PTGER4: variants seen among roughly 807,000 people sequenced by gnomAD.
PTGER4 encodes the protein prostaglandin E2 receptor EP4 subtype.
PTGER4 carries 11 observed loss-of-function variants against 33.2 expected under a neutral mutation model. That is an observed-to-expected ratio of 0.33 (90% CI 0.21 to 0.55). The LOEUF (loss-of-function observed/expected upper bound fraction) is 0.55, where lower values mean the gene tolerates loss of function less well. Among genes scored for constraint, PTGER4 ranks in the 20% least tolerant of loss-of-function variants. PTGER4 has a pLI of 0.92. For missense variants in PTGER4, 481 were observed against 650.2 expected, an observed-to-expected ratio of 0.74 and a Z score of 2.83; for synonymous variants, 275 against 281.5, an observed-to-expected ratio of 0.98 and a Z score of 0.23.
At chr5:40,733,265 G>A in the PTGER4 span, among the ~76,000 whole-genome samples, 1 of 152,136 alleles carries the variant, frequency 6.6e-6, no homozygotes, top group Non-Finnish European at 1.5e-5. Flanking sequence ...TGAGGAAGGG[G>A]CTGAAGGTCT....
the PTGER4 span, among the ~76,000 whole-genome samples, chr5:40,740,903 G>T: frequency 6.6e-6 from 1 of 152,106 alleles, no homozygotes; most frequent in African/African-American, 2.4e-5. Context: ...TTTTATTTCA[G>T]ATATCGTATT....
chr5:40,735,550 G>A, the PTGER4 span, among the ~76,000 whole-genome samples: 14 of 152,256 alleles, frequency 9.2e-5, no homozygotes, highest in African/African-American at 2.9e-4. Context: ...AGGATCCCAC[G>A]CAATCAAGAG....
At chr5:40,682,155 T>A (rs1435411015) in intron 2 of PTGER4, among the ~76,000 whole-genome samples, 1 of 149,074 alleles carries the variant, frequency 6.7e-6, no homozygotes, top group Non-Finnish European at 1.5e-5. Flanking sequence ...ACTGGCCGAG[T>A]CTTCCAAGAA....
the PTGER4 span, among the ~76,000 whole-genome samples, chr5:40,722,330 C>G: frequency 6.6e-6 from 1 of 152,168 alleles, no homozygotes; most frequent in African/African-American, 2.4e-5. Flanking sequence ...GCCGCCACCC[C>G]GTCTAGGAAG....
the PTGER4 span, among the ~76,000 whole-genome samples, chr5:40,722,813 G>A: frequency 2.6e-5 from 4 of 151,260 alleles, no homozygotes; most frequent in Non-Finnish European, 4.4e-5. Flanking sequence ...CCATCCGGGA[G>A]GTGGGGGGCG....
chr5:40,692,379 T>C lies in PTGER4; in HGVS notation c.*1T>C, dbSNP rs757836522. On this transcript the variant is annotated 3_prime_UTR_variant, in exon 3 of 3. Transcript: ENST00000302472. ...GAACTTATCAGAAAAATGTATATAA[T>C]AGGCAAGGAAAGAAATACAGTACTG... is the stretch of plus-strand genomic sequence containing the variant. The C allele has an allele frequency of 1.3e-6, 2 of 1,578,058 alleles. No individual in the cohort carries two copies. Among genetic ancestry groups the C allele is most frequent in the South Asian group, 2.3e-5 (2 of 86,598 alleles).
At position 40,691,795 on chromosome 5, in the gene PTGER4, A is replaced by T; in HGVS notation, c.884A>T (p.Asn295Ile). The change falls in exon 3 of 3, where the codon AAC (asparagine) becomes ATC (isoleucine). Residue 295 changes from asparagine to isoleucine, a missense_variant. Asn to Ile is a moderately radical substitution (Grantham distance 149). This residue lies in a region of PTGER4 where 174 missense variants were observed against 210.5 expected (regional missense o/e 0.83). Transcript: ENST00000302472. This position sits in a 1 kb window ranked among gnomAD's most constrained non-coding sequence, Gnocchi z 4.2. ...SIPLVVRVFVNQLYQPSLERE... is the reference protein window; with the variant it reads ...SIPLVVRVFVIQLYQPSLERE... ...CTTATGCAGGTGCGAGTATTCGTCA[A>T]CCAGTTATATCAGCCAAGTTTGGAG... The T allele has an allele frequency of 6.2e-7, 1 of 1,613,452 alleles. No homozygotes were observed. Among genetic ancestry groups the T allele is most frequent in the Non-Finnish European group, 8.5e-7 (1 of 1,179,728 alleles).
At chr5:40,697,269 A>G (rs540322070), downstream of PTGER4, among the ~76,000 whole-genome samples, 1 of 128,460 alleles carries the variant, frequency 7.8e-6, no homozygotes, top group African/African-American at 2.6e-5. Context: ...AAAGAAAGAA[A>G]GAAAGAAAGA....
In PTGER4 at chr5:40,681,868, A is replaced by G; in HGVS notation, c.867+8A>G. ...TGCTCCATCCCGCTCGTGGTGAGTGACCGGGGCTGGGGCCCTACTCGGCCT... is the reference window on the plus strand; with the variant it reads ...TGCTCCATCCCGCTCGTGGTGAGTGGCCGGGGCTGGGGCCCTACTCGGCCT... On this transcript the variant is annotated splice_region_variant and intron_variant, in intron 2 of 2. Coordinates refer to ENST00000302472, the MANE Select transcript of PTGER4 (RefSeq NM_000958.3). The surrounding 1 kb of genome is among the most constrained non-coding windows in gnomAD (Gnocchi z 9.8). 1.3e-6 allele frequency: 2 copies of G among 1,500,888 alleles called. No individual in the cohort carries two copies. The highest frequency in any genetic ancestry group is 1.8e-6 in the Non-Finnish European group (2 of 1,129,764). 93.0% of individuals were successfully genotyped at this position (1,500,888 alleles called of 1,614,324 possible).
the PTGER4 span, among the ~76,000 whole-genome samples, chr5:40,742,110 T>A: frequency 9.9e-5 from 15 of 152,142 alleles, no homozygotes; most frequent in Admixed American, 1.3e-4. Context: ...GTTTTTTTTT[T>A]ATATCTTTTG....
At chr5:40,746,562 G>C in the PTGER4 span, among the ~76,000 whole-genome samples, 1 of 152,086 alleles carries the variant, frequency 6.6e-6, no homozygotes, top group South Asian at 2.1e-4. Context: ...GGCAAAGCAG[G>C]GACATAATTA....
chr5:40,718,914 ATAAAAAT>A, the PTGER4 span, among the ~76,000 whole-genome samples: 1 of 152,122 alleles, frequency 6.6e-6, no homozygotes, highest in South Asian at 2.1e-4. Context: ...AAATAAATAA[ATAAAAAT>A]TAAAAATTAA....
the PTGER4 span, chr5:40,730,315 C>T: frequency 6.2e-7 from 1 of 1,612,600 alleles, no homozygotes. Context: ...TGTAGTGCTT[C>T]ATCCCACTTC....
downstream of PTGER4, among the ~76,000 whole-genome samples, chr5:40,694,106 A>C (rs1741534780): frequency 6.6e-6 from 1 of 152,046 alleles, no homozygotes. Context: ...ACTAGAGTGC[A>C]TTGGCACAAT....
chr5:40,744,672 C>T, the PTGER4 span, among the ~76,000 whole-genome samples: 1 of 152,198 alleles, frequency 6.6e-6, no homozygotes, highest in South Asian at 2.1e-4. Context: ...GCCTATTAGG[C>T]TACTATTCCT....
At chr5:40,705,423 T>C in the PTGER4 span, among the ~76,000 whole-genome samples, 1 of 152,118 alleles carries the variant, frequency 6.6e-6, no homozygotes, top group Non-Finnish European at 1.5e-5. Flanking sequence ...GGGCAAAGAT[T>C]TCATGACAAA....
chr5:40,717,124 G>A, the PTGER4 span, among the ~76,000 whole-genome samples: 1 of 151,474 alleles, frequency 6.6e-6, no homozygotes, highest in Non-Finnish European at 1.5e-5. Context: ...AGCTACCCAG[G>A]AGGGTGAGGC....
intron 2 of PTGER4, among the ~76,000 whole-genome samples, chr5:40,688,618 A>G (rs1741389641): frequency 6.6e-6 from 1 of 152,218 alleles, no homozygotes; most frequent in Non-Finnish European, 1.5e-5. Flanking sequence ...AAGTTCCTCA[A>G]AACCTCTGGG....
At position 40,692,192 on chromosome 5, in the gene PTGER4, C is replaced by T; in HGVS notation, c.1281C>T (p.Asp427=). ...CTGGCATGGGCCTGGCCCAGGAAGACACCACCTCACTGAGGACTTTGCGAA... is the reference window on the plus strand; with the variant it reads ...CTGGCATGGGCCTGGCCCAGGAAGATACCACCTCACTGAGGACTTTGCGAA... The part of the protein sequence containing the change: ...GVPGMGLAQE[D]TTSLRTLRIS... The change falls in exon 3 of 3, where the codon GAC becomes GAT. Residue 427 remains aspartate (D), a synonymous_variant. Coordinates refer to ENST00000302472, the MANE Select transcript of PTGER4 (RefSeq NM_000958.3). 6.2e-7 allele frequency: 1 copy of T among 1,614,244 alleles called. No individual in the cohort carries two copies. The highest frequency in any genetic ancestry group is 1.1e-5 in the South Asian group (1 of 91,090).
Sources: gnomAD v4.1 joint callset for allele counts (sites outside exome capture counted in the v4.1 genomes callset) on GRCh38, gnomAD v4.1.1 for gene constraint, gnomAD v4.1.1 regional missense constraint, Gnocchi (gnomAD v3.1) non-coding constraint, MANE v1.5 for transcripts, NCBI Gene and HGNC (gene_info 2026-07-23, HGNC 2026-07-21) for gene names.